Variants in DMRT1 observed in about 807,000 individuals in gnomAD.
DMRT1 encodes doublesex- and mab-3-related transcription factor 1.
DMRT1 carries 7 observed loss-of-function variants against 32.3 expected under a neutral mutation model. That is an observed-to-expected ratio of 0.22 (90% CI 0.12 to 0.41). The LOEUF (loss-of-function observed/expected upper bound fraction) is 0.41. DMRT1 is among the 10% of genes least tolerant of loss of function. The pLI is 1.00. For missense variants in DMRT1, 625 were observed against 500.5 expected (o/e 1.25, Z -2.37); for synonymous variants, 278 against 206.1 (o/e 1.35, Z -2.99).
In DMRT1 at chr9:968,979, G is replaced by C. The variant is rs1217982322; in HGVS notation, c.*840G>C. On this transcript the variant is annotated 3_prime_UTR_variant, in exon 5 of 5. Coordinates refer to ENST00000382276, the MANE Select transcript of DMRT1 (RefSeq NM_021951.3). ...CATGATTTTGTTAAAAATTGCTATG[G>C]AGTACTTTGTTATATAACAGAAGCC... The C allele has an allele frequency of 1.3e-5, 2 of 152,606 alleles. No homozygotes were observed. The highest frequency in any genetic ancestry group is 4.8e-5 in the African/African-American group (2 of 41,430). 9.5% of individuals were successfully genotyped at this position (152,606 alleles called of 1,614,324 possible).
chr9:914,240 G>A (rs1029789882), intron 3 of DMRT1, among the ~76,000 whole-genome samples: 4 of 152,106 alleles, frequency 2.6e-5, no homozygotes, highest in Non-Finnish European at 4.4e-5. Flanking sequence ...TTCCTTTTTG[G>A]CTGTTTTCCG....
chr9:878,061 T>C (rs1388131524), intron 2 of DMRT1, among the ~76,000 whole-genome samples: 2 of 152,162 alleles, frequency 1.3e-5, no homozygotes, highest in African/African-American at 4.8e-5. Context: ...TAATTATGCA[T>C]GGTAATGGGC....
chr9:908,719 G>C (rs532907157), intron 3 of DMRT1, among the ~76,000 whole-genome samples: 69 of 152,004 alleles, frequency 4.5e-4, no homozygotes, highest in African/African-American at 1.6e-3. Flanking sequence ...TGCATGTGTA[G>C]TGGGAAATTT....
Position 968,232 on chromosome 9 carries a change from TC to T in DMRT1, c.*94del. On this transcript the variant is annotated 3_prime_UTR_variant, in exon 5 of 5. Transcript: ENST00000382276. ...TAATATTTTGCATTGACTCATACTA[TC>T]TTAACTGTTGAGAACGTATTTGGTT... The T allele has an allele frequency of 6.9e-7, 1 of 1,459,370 alleles. No individual in the cohort carries two copies. The highest frequency in any genetic ancestry group is 1.9e-5 in the Admixed American group (1 of 53,726). The allele number at this position is 1,459,370 out of a possible 1,614,324, so 90.4% of individuals were successfully genotyped here.
rs368195647 is a variant in DMRT1, at chr9:861,314, T to C, written c.538+14171T>C. ...CAAGTATCTGTTTAACAAAGCACAG[T>C]TTGCACCGCCCTTAATCCATTTAAC... On this transcript the variant is annotated intron_variant, in intron 2 of 4. Coordinates refer to ENST00000382276, the MANE Select transcript of DMRT1 (RefSeq NM_021951.3). Among the ~76,000 whole-genome samples the C allele has an allele frequency of 3.8e-3, 573 of 152,212 alleles. 11 individuals are homozygous for C. The highest frequency in any genetic ancestry group is 0.032 in the Admixed American group (483 of 15,294).
intron 4 of DMRT1, among the ~76,000 whole-genome samples, chr9:951,166 A>G (rs1244760236): frequency 6.6e-6 from 1 of 152,180 alleles, no homozygotes; most frequent in African/African-American, 2.4e-5. Context: ...ACTAGACAAC[A>G]TGAGAGTTAA....
At chr9:861,713 G>T (rs563860187) in intron 2 of DMRT1, among the ~76,000 whole-genome samples, 3 of 143,166 alleles carry the variant, frequency 2.1e-5, no homozygotes, top group Admixed American at 6.9e-5. Flanking sequence ...CAGACGGGGC[G>T]GCTGGCCGGG....
intron 1 of DMRT1, among the ~76,000 whole-genome samples, chr9:846,391 G>C (rs954024741): frequency 6.6e-6 from 1 of 152,052 alleles, no homozygotes; most frequent in African/African-American, 2.4e-5. Flanking sequence ...ACTGGTACCT[G>C]TTTTTAGTAC....
At chr9:932,723 A>T (rs1818764358) in intron 4 of DMRT1, among the ~76,000 whole-genome samples, 1 of 152,122 alleles carries the variant, frequency 6.6e-6, no homozygotes, top group Non-Finnish European at 1.5e-5. Context: ...ATTTCTACCC[A>T]GCTGGCTACA....
chr9:904,731 G>A (rs1817704438), intron 3 of DMRT1, among the ~76,000 whole-genome samples: 1 of 152,134 alleles, frequency 6.6e-6, no homozygotes, highest in African/African-American at 2.4e-5. Context: ...GATCACCTGA[G>A]GTCAGGAGTT....
At chr9:946,928 G>C (rs1819264649) in intron 4 of DMRT1, among the ~76,000 whole-genome samples, 1 of 152,232 alleles carries the variant, frequency 6.6e-6, no homozygotes, top group South Asian at 2.1e-4. Context: ...TGGATTCACA[G>C]ACGGTGCCCA....
intron 4 of DMRT1, among the ~76,000 whole-genome samples, chr9:963,095 G>A (rs1819826946): frequency 1.3e-5 from 2 of 152,206 alleles, no homozygotes; most frequent in African/African-American, 2.4e-5. Context: ...AGTTTTTAAA[G>A]TATGCTATTT....
At chr9:957,465 A>G (rs1208427197) in intron 4 of DMRT1, among the ~76,000 whole-genome samples, 1 of 152,162 alleles carries the variant, frequency 6.6e-6, no homozygotes, top group Non-Finnish European at 1.5e-5. Context: ...CTGTGCTGTT[A>G]TTTTCTTATT....
intron 2 of DMRT1, among the ~76,000 whole-genome samples, chr9:850,008 G>C (rs877400): frequency 6.6e-6 from 1 of 152,034 alleles, no homozygotes; most frequent in Non-Finnish European, 1.5e-5. Flanking sequence ...AGTAGAGACG[G>C]GGTTTCCTCC....
intron 1 of DMRT1, chr9:842,672 G>C (rs1461771414): frequency 6.5e-6 from 1 of 154,858 alleles, no homozygotes; most frequent in Non-Finnish European, 1.4e-5. Flanking sequence ...TACATCGCCG[G>C]TCTGGGAGCG....
chr9:854,769 C>G (rs1815316373), intron 2 of DMRT1, among the ~76,000 whole-genome samples: 1 of 109,624 alleles, frequency 9.1e-6, no homozygotes, highest in South Asian at 3.3e-4. Context: ...CAAAACAAAA[C>G]TCCTTTTTTT....
intron 3 of DMRT1, 143 bp from the exon 4 acceptor site, chr9:916,620 C>T (rs1818191837): frequency 1.0e-6 from 1 of 970,906 alleles, no homozygotes; most frequent in African/African-American, 1.6e-5. Context: ...GATCCTCCCG[C>T]CCTGGCCTCC....
intron 2 of DMRT1, among the ~76,000 whole-genome samples, chr9:874,801 C>CTTTTTTTTTTTTTTT: frequency 1.3e-5 from 1 of 76,926 alleles, no homozygotes; most frequent in Non-Finnish European, 2.2e-5. Flanking sequence ...ACAAGTTAAT[C>CTTTTTTTTTTTTTTT]TTTTTTTTTT....
chr9:855,922 GA>G (rs1163300615), intron 2 of DMRT1, among the ~76,000 whole-genome samples: 1 of 148,368 alleles, frequency 6.7e-6, no homozygotes, highest in African/African-American at 2.6e-5. Flanking sequence ...CCTGACCTCT[GA>G]ATTTTTTTTT....
Sources: allele counts gnomAD v4.1 joint callset (sites outside exome capture counted in the v4.1 genomes callset), GRCh38; gene constraint gnomAD v4.1.1; transcripts MANE v1.5; gene names NCBI Gene and HGNC (gene_info 2026-07-23, HGNC 2026-07-21).